The following P2RY14 variants were observed in gnomAD, a reference collection of about 807,000 sequenced individuals.
P2RY14 encodes the protein P2Y purinoceptor 14.
A neutral mutation model predicts 0.9 loss-of-function variants in P2RY14; 2 were observed. That is an observed-to-expected ratio of 2.16 (90% CI 0.88 to 6.79). The LOEUF (loss-of-function observed/expected upper bound fraction) is 6.79, where lower values mean the gene tolerates loss of function less well. Ranked by LOEUF, P2RY14 falls within the 30% of genes most tolerant of loss-of-function variation. P2RY14 has a pLI of 0.05. For synonymous variants in P2RY14, 158 were observed against 147.2 expected, an observed-to-expected ratio of 1.07 and a Z score of -0.53; for missense variants, 378 against 400.1, an observed-to-expected ratio of 0.94 and a Z score of 0.47.
At position 151,213,256 on chromosome 3, in the gene P2RY14, T is replaced by C. The variant is rs201740627; in HGVS notation, c.*44A>G. The C allele has an allele frequency of 1.4e-6, 2 of 1,434,144 alleles. No homozygotes were observed. The highest frequency in any genetic ancestry group is 4.4e-5 in the Admixed American group (2 of 45,768). The allele number at this position is 1,434,144 out of a possible 1,614,324, so 88.8% of individuals were successfully genotyped here. On this transcript the variant is annotated 3_prime_UTR_variant, in exon 3 of 3. Transcript: ENST00000309170. ...TTGATTTCTGTTATGTAATTGAAGA[T>C]GACAACATGCACACGTGGTCTTTCT... is the stretch of plus-strand genomic sequence containing the variant.
intron 2 of P2RY14, among the ~76,000 whole-genome samples, chr3:151,218,888 A>G (rs1728779594): frequency 7.5e-6 from 1 of 132,786 alleles, no homozygotes; most frequent in South Asian, 2.3e-4. Flanking sequence ...AAAAAAAAAA[A>G]AAAAAAAAAG....
At chr3:151,247,216 G>A (rs903611941) in intron 1 of P2RY14, among the ~76,000 whole-genome samples, 1 of 151,964 alleles carries the variant, frequency 6.6e-6, no homozygotes, top group African/African-American at 2.4e-5. Context: ...GATTCCTCAG[G>A]GATCTAGAAC....
intron 2 of P2RY14, among the ~76,000 whole-genome samples, chr3:151,217,763 T>A (rs1434208999): frequency 6.6e-6 from 1 of 152,084 alleles, no homozygotes; most frequent in Non-Finnish European, 1.5e-5. Flanking sequence ...TGGTAGTAAT[T>A]TTTGAACTCT....
intron 1 of P2RY14, among the ~76,000 whole-genome samples, chr3:151,247,503 A>G (rs1052078264): frequency 9.3e-5 from 14 of 151,300 alleles, no homozygotes; most frequent in Admixed American, 3.3e-4. Flanking sequence ...TCAGTAAACT[A>G]TCGCAAGAAC....
chr3:151,214,153 C>G lies in P2RY14; in HGVS notation c.164G>C (p.Ser55Thr). 2 of 1,614,148 alleles carry G rather than the reference C, an allele frequency of 1.2e-6. No individual in the cohort carries two copies. Among genetic ancestry groups the G allele is most frequent in the South Asian group, 1.1e-5 (1 of 91,086 alleles). Residue 55 changes from serine to threonine, a missense_variant, in exon 3 of 3, where the codon AGT (serine) becomes ACT (threonine). Coordinates refer to ENST00000309170, the MANE Select transcript of P2RY14 (RefSeq NM_014879.4). ...AATGTTCTTGAGATAGATGATGAAACTCTTAGAGCTGGGCACGTAAAAGAA... is the reference window on the plus strand; with the variant it reads ...AATGTTCTTGAGATAGATGATGAAAGTCTTAGAGCTGGGCACGTAAAAGAA... The part of the protein sequence containing the change: ...WIFFYVPSSK[S>T]FIIYLKNIVI...
At chr3:151,266,232 C>A (rs2149523328) in intron 1 of P2RY14, among the ~76,000 whole-genome samples, 1 of 152,306 alleles carries the variant, frequency 6.6e-6, no homozygotes, top group East Asian at 1.9e-4. Flanking sequence ...GATGTCCCTT[C>A]ATGACCTCAA....
At chr3:151,234,704 G>A (rs1732367009) in intron 1 of P2RY14, among the ~76,000 whole-genome samples, 1 of 152,206 alleles carries the variant, frequency 6.6e-6, no homozygotes, top group African/African-American at 2.4e-5. Flanking sequence ...CTCAGTTACT[G>A]TAATATCCAA....
chr3:151,229,298 A>C (rs1731137194), intron 1 of P2RY14, among the ~76,000 whole-genome samples: 1 of 146,598 alleles, frequency 6.8e-6, no homozygotes, highest in Non-Finnish European at 1.5e-5. Context: ...TTATAAATTC[A>C]GCAATTCTTT....
intron 1 of P2RY14, chr3:151,270,084 AGAT>A (rs1000366101): frequency 3.5e-5 from 8 of 230,708 alleles, no homozygotes; most frequent in African/African-American, 1.4e-4. Flanking sequence ...AAGAAGATGA[AGAT>A]GATGATGAAA....
rs746322293 is a variant in P2RY14, at chr3:151,213,268, C to T, written c.*32G>A. ...ATGTAATTGAAGATGACAACATGCA[C>T]ACGTGGTCTTTCTTTGGAAGAGGGT... On this transcript the variant is annotated 3_prime_UTR_variant, in exon 3 of 3. Transcript: ENST00000309170. 40 of 1,513,448 alleles carry T rather than the reference C, an allele frequency of 2.6e-5. No homozygotes were observed. The highest frequency in any genetic ancestry group is 3.4e-5 in the Non-Finnish European group (38 of 1,118,308). 93.8% of individuals were successfully genotyped at this position (1,513,448 alleles called of 1,614,324 possible).
chr3:151,230,705 A>G (rs185813737), intron 1 of P2RY14, among the ~76,000 whole-genome samples: 2 of 152,222 alleles, frequency 1.3e-5, no homozygotes, highest in Admixed American at 1.3e-4. Context: ...AACCTGCTCA[A>G]AGTCCTTAAT....
At chr3:151,277,759 G>T (rs981127528) in intron 1 of P2RY14, among the ~76,000 whole-genome samples, 1 of 152,130 alleles carries the variant, frequency 6.6e-6, no homozygotes, top group African/African-American at 2.4e-5. Flanking sequence ...CAATTTAAAG[G>T]CATTTTATTT....
intron 1 of P2RY14, among the ~76,000 whole-genome samples, chr3:151,270,407 CTG>C (rs1740719041): frequency 6.6e-6 from 1 of 152,052 alleles, no homozygotes; most frequent in Non-Finnish European, 1.5e-5. Context: ...TGAACAAAAA[CTG>C]TATGGATTTA....
intron 1 of P2RY14, among the ~76,000 whole-genome samples, chr3:151,223,977 G>C (rs58628304): frequency 0.017 from 2,643 of 152,304 alleles, 68 homozygotes; most frequent in African/African-American, 0.06. Context: ...GGACTTTGCT[G>C]TATCTGTGAT....
chr3:151,268,213 A>G (rs968169023), intron 1 of P2RY14, among the ~76,000 whole-genome samples: 3 of 151,982 alleles, frequency 2.0e-5, no homozygotes, highest in Non-Finnish European at 4.4e-5. Flanking sequence ...TAGGGTATAG[A>G]AAATGTCTCT....
At chr3:151,227,656 T>C (rs986012588) in intron 1 of P2RY14, among the ~76,000 whole-genome samples, 1 of 152,180 alleles carries the variant, frequency 6.6e-6, no homozygotes, top group Non-Finnish European at 1.5e-5. Context: ...CTCCAATGGA[T>C]ACATAGTCAT....
rs753882142 is a variant in P2RY14, at chr3:151,213,999, G to A, written c.318C>T (p.Tyr106=). ...TGAGCCCAAAGAACACAATGCTGAC[G>A]TACATGTTGACGTAGAAGAGCACGG... ...VSAVLFYVNM[Y]VSIVFFGLIS... Residue 106 remains tyrosine (Y), a synonymous_variant, in exon 3 of 3, where the codon TAC becomes TAT. Transcript: ENST00000309170. 2.6e-5 allele frequency: 42 copies of A among 1,613,994 alleles called. No individual in the cohort carries two copies. Among genetic ancestry groups the A allele is most frequent in the Non-Finnish European group, 3.5e-5 (41 of 1,179,914 alleles).
intron 1 of P2RY14, among the ~76,000 whole-genome samples, chr3:151,221,391 A>T (rs1198955407): frequency 6.6e-6 from 1 of 152,196 alleles, no homozygotes; most frequent in Non-Finnish European, 1.5e-5. Flanking sequence ...TCACCAAGAA[A>T]ATGGGGAAAA....
chr3:151,224,431 C>G (rs1258020435), intron 1 of P2RY14, among the ~76,000 whole-genome samples: 6 of 151,294 alleles, frequency 4.0e-5, no homozygotes, highest in African/African-American at 1.5e-4. Flanking sequence ...ATCTCTCATG[C>G]CTTAATGTTT....
Sources: gnomAD v4.1 joint callset for allele counts (sites outside exome capture counted in the v4.1 genomes callset) on GRCh38, gnomAD v4.1.1 for gene constraint, MANE v1.5 for transcripts, NCBI Gene and HGNC (gene_info 2026-07-23, HGNC 2026-07-21) for gene names.